The following KNDC1 variants were observed in gnomAD, a reference collection of about 807,000 sequenced individuals.
KNDC1 encodes kinase non-catalytic C-lobe domain-containing protein 1.
KNDC1 carries 106 observed loss-of-function variants against 172.8 expected under a neutral mutation model. The ratio of observed to expected loss-of-function variants is 0.61; its 90% CI spans 0.52 to 0.72. KNDC1 has a LOEUF of 0.72. Ranked by LOEUF, KNDC1 falls within the 30% of genes least tolerant of loss-of-function variation. The pLI is 0.00. For synonymous variants in KNDC1, 1,083 were observed against 1,062.2 expected, an observed-to-expected ratio of 1.02 and a Z score of -0.38; for missense variants, 2,325 against 2,394.5, an observed-to-expected ratio of 0.97 and a Z score of 0.61.
chr10:133,212,963 C>T (rs1291110787), intron 24 of KNDC1, 41 bp downstream of exon 24: 41 of 1,565,712 alleles, frequency 2.6e-5, no homozygotes, highest in Admixed American at 1.1e-4. Flanking sequence ...ACCTGCGAGT[C>T]GGGGCCCCAG....
In KNDC1 at chr10:133,209,525, A is replaced by G. The variant is rs935699305; in HGVS notation, c.3795-1086A>G. Among the ~76,000 whole-genome samples the G allele has an allele frequency of 4.7e-5, 7 of 148,466 alleles. No individual in the cohort carries two copies. Among genetic ancestry groups the G allele is most frequent in the Non-Finnish European group, 8.9e-5 (6 of 67,058 alleles). On this transcript the variant is annotated intron_variant, in intron 20 of 29. Coordinates refer to ENST00000304613, the MANE Select transcript of KNDC1 (RefSeq NM_152643.8). The surrounding 1 kb of genome is among the most constrained non-coding windows in gnomAD (Gnocchi z 4.9). ...TGTGGAGTTCTGTGTGGCTTTGTGC[A>G]TGTGTGTGGTGTGCGCGTCTGGTTG...
chr10:133,198,089 G>C (rs937898053), intron 12 of KNDC1, among the ~76,000 whole-genome samples: 8 of 152,106 alleles, frequency 5.3e-5, no homozygotes, highest in Non-Finnish European at 1.0e-4. Flanking sequence ...TGCTCAGCAG[G>C]CCCCTCCAAG....
chr10:133,189,688 C>T lies in KNDC1; in HGVS notation c.1513+19C>T, dbSNP rs370407275. On this transcript the variant is annotated intron_variant, in intron 8 of 29. Coordinates refer to ENST00000304613, the MANE Select transcript of KNDC1 (RefSeq NM_152643.8). ...GCCAACGGTGAGTGTGTGGGTTCCC[C>T]TCAGGCCGAGTCCAGCACCGGCTCG... is the stretch of plus-strand genomic sequence containing the variant. The T allele has an allele frequency of 9.2e-5, 149 of 1,613,894 alleles. No individual in the cohort carries two copies. The highest frequency in any genetic ancestry group is 1.2e-4 in the Non-Finnish European group (137 of 1,179,944).
chr10:133,199,716 G>A (rs892015131), intron 15 of KNDC1, 114 bp downstream of exon 15: 10 of 1,231,604 alleles, frequency 8.1e-6, no homozygotes, highest in Admixed American at 2.1e-5. Flanking sequence ...CTTCCATCTC[G>A]CTGCTGTCTC....
intron 3 of KNDC1, among the ~76,000 whole-genome samples, chr10:133,173,751 C>T (rs971576959): frequency 3.9e-5 from 6 of 152,198 alleles, no homozygotes; most frequent in Non-Finnish European, 7.3e-5. Context: ...GTTTTTGTGC[C>T]TCCTGTGGGT....
chr10:133,168,277 C>T lies in KNDC1; in HGVS notation c.325C>T (p.Pro109Ser), dbSNP rs989773204. ...LSDDPEGAFV[P>S]PEFDVTGNTF... ...AGACGACCCTGAGGGTGCCTTCGTT[C>T]CCCCCGAGTTCGACGTGACCGGGAA... Residue 109 changes from proline (P) to serine (S), a missense_variant, in exon 3 of 30, where the codon CCC (proline) becomes TCC (serine). Coordinates refer to ENST00000304613, the MANE Select transcript of KNDC1 (RefSeq NM_152643.8). 35 of 1,613,758 alleles carry T rather than the reference C, an allele frequency of 2.2e-5. No homozygotes were observed. Among genetic ancestry groups the T allele is most frequent in the Non-Finnish European group, 2.9e-5 (34 of 1,179,814 alleles).
chr10:133,207,351 G>C lies in KNDC1; in HGVS notation c.3794G>C (p.Ser1265Thr). 2 of 1,611,886 alleles carry C rather than the reference G, an allele frequency of 1.2e-6. No individual in the cohort carries two copies. The highest frequency in any genetic ancestry group is 1.7e-6 in the Non-Finnish European group (2 of 1,179,256). Residue 1265 changes from serine to threonine, a missense_variant and splice_region_variant, in exon 20 of 30, where the codon AGT becomes ACT. By Grantham distance (58) the Ser-to-Thr change is moderately conservative (BLOSUM62 1). Coordinates refer to ENST00000304613, the MANE Select transcript of KNDC1 (RefSeq NM_152643.8). The part of the protein sequence containing the change: ...PLGLMAYLYS[S>T]DAFLEGYVQQ... ...GGGCTCATGGCCTACCTGTACTCCA[G>C]GTGCGTTGGGAGAAAAGCTCACCCG... is the stretch of plus-strand genomic sequence containing the variant.
rs191636868 is a variant in KNDC1, at chr10:133,198,011, C to T, written c.1906+243C>T. On this transcript the variant is annotated intron_variant, in intron 12 of 29. Transcript: ENST00000304613. The stretch of plus-strand genomic sequence containing the variant: ...TCACTCCCATCTCCCAGCAGCTGGC[C>T]CTCCCAAGCCCACATCTGGAGACCC... Among the ~76,000 whole-genome samples, 4 of 152,298 alleles carry T rather than the reference C, an allele frequency of 2.6e-5. No individual in the cohort carries two copies. The East Asian group carries it at 7.7e-4, about 29-fold the overall frequency.
intron 15 of KNDC1, 41 bp from the exon 16 acceptor site, chr10:133,200,334 A>T: frequency 1.4e-6 from 2 of 1,479,514 alleles, no homozygotes; most frequent in East Asian, 2.6e-5. Context: ...GCCTCCTCCC[A>T]GTGGGCGGAG....
chr10:133,184,622 A>C (rs1247804207), intron 5 of KNDC1, among the ~76,000 whole-genome samples: 1 of 152,224 alleles, frequency 6.6e-6, no homozygotes, highest in Non-Finnish European at 1.5e-5. Flanking sequence ...TACCACGTCC[A>C]CTGCCTCACA....
In KNDC1 at chr10:133,160,280, C is replaced by G. The variant is rs1158715621; in HGVS notation, c.-188C>G. Among the ~76,000 whole-genome samples the G allele has an allele frequency of 1.1e-5, 1 of 94,468 alleles. No individual in the cohort carries two copies. Among genetic ancestry groups the G allele is most frequent in the East Asian group, 2.5e-4 (1 of 4,000 alleles). 62.0% of individuals were successfully genotyped at this position (94,468 alleles called of 152,430 possible). A position where few individuals can be genotyped will look rare whatever the true frequency, so the allele number is the denominator to read the frequency against. On this transcript the variant is annotated 5_prime_UTR_variant, in exon 1 of 30. Coordinates refer to ENST00000304613, the MANE Select transcript of KNDC1 (RefSeq NM_152643.8). ...CAGCGCCGCGCAGCCCCCGCGCACC[C>G]CGCGCCCCCCGCGCCCCCCGGGCCC... is the stretch of plus-strand genomic sequence containing the variant.
intron 5 of KNDC1, among the ~76,000 whole-genome samples, chr10:133,185,608 C>T (rs1589749474): frequency 6.6e-6 from 1 of 152,044 alleles, no homozygotes; most frequent in African/African-American, 2.4e-5. Flanking sequence ...CAGGTTCTTC[C>T]TGTGGGGACT....
chr10:133,218,839 G>A lies in KNDC1; in HGVS notation c.4686G>A (p.Val1562=), dbSNP rs753015368. ...IVTSHTSKLQ[V]NLLSKFLLIA... ...TCATTTTCTTATTGCAGCTGCAGGT[G>A]AACTTGCTGTCCAAATTTTTGCTGA... The change falls in exon 27 of 30, where the codon GTG becomes GTA. Residue 1562 remains valine (V), a synonymous_variant. Transcript: ENST00000304613. The A allele has an allele frequency of 3.1e-6, 5 of 1,611,204 alleles. No homozygotes were observed. Among genetic ancestry groups the A allele is most frequent in the South Asian group, 1.1e-5 (1 of 91,000 alleles).
chr10:133,212,920 C>CA lies in KNDC1; in HGVS notation c.4442dup (p.Glu1482GlyfsTer33), dbSNP rs371351743. ...CTTCAGCCAGCTCACGCTGCTACAGCAGGTGAGGAGGGCGAGGATCTGCGC... is the reference window on the plus strand; with the variant it reads ...CTTCAGCCAGCTCACGCTGCTACAGCAAGGTGAGGAGGGCGAGGATCTGCGC... On this transcript the variant is annotated frameshift_variant and splice_region_variant, in exon 24 of 30. Transcript: ENST00000304613. LOFTEE classifies it high-confidence loss of function. The CA allele has an allele frequency of 6.2e-7, 1 of 1,610,252 alleles. No homozygotes were observed. Among genetic ancestry groups the CA allele is most frequent in the African/African-American group, 1.3e-5 (1 of 74,988 alleles).
chr10:133,181,123 CGGGGCACCCACTGACGCCACAT>C (rs1227914581), intron 3 of KNDC1, among the ~76,000 whole-genome samples: 31 of 151,398 alleles, frequency 2.0e-4, no homozygotes, highest in Admixed American at 1.1e-3. Context: ...AGACGCCACA[CGGGGCACCCACTGACGCCACAT>C]GGGGCACCCA....
intron 3 of KNDC1, among the ~76,000 whole-genome samples, chr10:133,181,833 T>TGTA (rs1491098654): frequency 4.0e-5 from 5 of 124,094 alleles, no homozygotes; most frequent in Admixed American, 1.5e-4. Flanking sequence ...CCCAGGACCG[T>TGTA]CCACACACAC....
Sources: gnomAD v4.1 joint callset for allele counts (sites outside exome capture counted in the v4.1 genomes callset) on GRCh38, gnomAD v4.1.1 for gene constraint, Gnocchi (gnomAD v3.1) non-coding constraint, MANE v1.5 for transcripts, NCBI Gene and HGNC (gene_info 2026-07-23, HGNC 2026-07-21) for gene names.